Variants in TMEM154 observed in about 807,000 individuals in gnomAD.
TMEM154 encodes the protein transmembrane protein 154.
A neutral mutation model predicts 24.5 loss-of-function variants in TMEM154; 27 were observed. The observed-to-expected ratio is 1.10, with a 90% confidence interval of 0.81 to 1.52. TMEM154 has a LOEUF of 1.52. Ranked by LOEUF, TMEM154 falls within the 40% of genes most tolerant of loss-of-function variation. TMEM154 has a pLI of 0.00. For missense variants in TMEM154, 228 were observed against 213.4 expected, an observed-to-expected ratio of 1.07 and a Z score of -0.43; for synonymous variants, 67 against 76.8, an observed-to-expected ratio of 0.87 and a Z score of 0.67.
Position 152,648,209 on chromosome 4 carries a change from G to A in TMEM154, c.365-3767C>T, listed in dbSNP as rs151143971. Among the ~76,000 whole-genome samples the A allele has an allele frequency of 2.2e-4, 33 of 152,318 alleles. No individual in the cohort carries two copies. The East Asian group carries it at 5.4e-3, about 25-fold the overall frequency. ...AAAAACTGGGCCCTAGCAGGGGGGC[G>A]TGGTGGCTCACACCTGTAATCCCAG... On this transcript the variant is annotated intron_variant, in intron 3 of 6. Coordinates refer to ENST00000304385, the MANE Select transcript of TMEM154 (RefSeq NM_152680.3).
At chr4:152,631,792 C>CTTTTTTT (rs1752047652) in intron 6 of TMEM154, among the ~76,000 whole-genome samples, 1 of 131,462 alleles carries the variant, frequency 7.6e-6, no homozygotes, top group Non-Finnish European at 1.6e-5. Context: ...AATCTATCCC[C>CTTTTTTT]CTTTTTTTTT....
chr4:152,660,511 T>C (rs1728581030), intron 1 of TMEM154, among the ~76,000 whole-genome samples: 1 of 152,150 alleles, frequency 6.6e-6, no homozygotes, highest in Admixed American at 6.5e-5. Flanking sequence ...ATCGATTATC[T>C]CATTTTGTCC....
Position 152,622,298 on chromosome 4 carries a change from T to C in TMEM154, c.*6248A>G, listed in dbSNP as rs1209297969. The C allele has an allele frequency of 6.6e-6, 1 of 152,216 alleles. No homozygotes were observed. Among genetic ancestry groups the C allele is most frequent in the Non-Finnish European group, 1.5e-5 (1 of 68,030 alleles). 9.4% of individuals were successfully genotyped at this position (152,216 alleles called of 1,614,324 possible). ...TATACAAAGCAGGCCCCTTTTTGAA[T>C]TGGTATTGTTTCGTTTATTTAAAGA... On this transcript the variant is annotated 3_prime_UTR_variant, in exon 7 of 7. Coordinates refer to ENST00000304385, the MANE Select transcript of TMEM154 (RefSeq NM_152680.3).
chr4:152,644,331 C>A (rs1424471470), intron 4 of TMEM154, 84 bp downstream of exon 4: 1 of 1,513,010 alleles, frequency 6.6e-7, no homozygotes, highest in South Asian at 1.1e-5. Flanking sequence ...GATGTCAGAA[C>A]AAAAACACCT....
intron 1 of TMEM154, among the ~76,000 whole-genome samples, chr4:152,662,132 G>A (rs1449665874): frequency 6.6e-6 from 1 of 152,038 alleles, no homozygotes; most frequent in Non-Finnish European, 1.5e-5. Context: ...AAACCTCTCT[G>A]CTCATCCTTC....
chr4:152,671,760 A>AAAAG (rs1561058715), intron 1 of TMEM154, among the ~76,000 whole-genome samples: 2 of 149,838 alleles, frequency 1.3e-5, no homozygotes, highest in African/African-American at 2.4e-5. Context: ...AAAAAAAAAA[A>AAAAG]AAAAAAAAGA....
chr4:152,640,291 C>A (rs1461009359), intron 6 of TMEM154, among the ~76,000 whole-genome samples: 2 of 152,198 alleles, frequency 1.3e-5, no homozygotes, highest in Admixed American at 1.3e-4. Context: ...CAGTCCCCAA[C>A]CTTCTGAACC....
At position 152,628,836 on chromosome 4, in the gene TMEM154, G is replaced by A. The variant is rs542434622; in HGVS notation, c.537-275C>T. Among the ~76,000 whole-genome samples the A allele has an allele frequency of 2.7e-3, 401 of 150,508 alleles. 3 individuals are homozygous for A. Among genetic ancestry groups the A allele is most frequent in the African/African-American group, 8.7e-3 (356 of 41,072 alleles). Reference sequence around the variant, plus strand: ...TATTTTTTTTTTTTTTAGTAGAGGCGGGGTTTCACCATGTTAGCCAGGATG... The same window carrying A: ...TATTTTTTTTTTTTTTAGTAGAGGCAGGGTTTCACCATGTTAGCCAGGATG... On this transcript the variant is annotated intron_variant, in intron 6 of 6. Transcript: ENST00000304385.
rs890797547 is a variant in TMEM154 at position 152,618,747 on chromosome 4, T to A, written c.*9799A>T. ...ACCTCCACTTGCTTGTTAGTTCAAT[T>A]ATGATCGTTCTCTGCTTCCTTCCAT... is the stretch of plus-strand genomic sequence containing the variant. On this transcript the variant is annotated 3_prime_UTR_variant, in exon 7 of 7. Transcript: ENST00000304385. The A allele has an allele frequency of 2.6e-5, 4 of 152,208 alleles. No individual in the cohort carries two copies. The highest frequency in any genetic ancestry group is 4.4e-5 in the Non-Finnish European group (3 of 68,048). The allele number at this position is 152,208 out of a possible 1,614,324, so 9.4% of individuals were successfully genotyped here.
chr4:152,622,377 C>A lies in TMEM154; in HGVS notation c.*6169G>T, dbSNP rs1363030735. The A allele has an allele frequency of 6.6e-6, 1 of 152,030 alleles. No individual in the cohort carries two copies. Among genetic ancestry groups the A allele is most frequent in the Non-Finnish European group, 1.5e-5 (1 of 67,988 alleles). 9.4% of individuals were successfully genotyped at this position (152,030 alleles called of 1,614,324 possible). ...GAATTATGAATTATGAATTCTTTTTCATAGACACAGAAATTAAAAGAACTT... is the reference window on the plus strand; with the variant it reads ...GAATTATGAATTATGAATTCTTTTTAATAGACACAGAAATTAAAAGAACTT... On this transcript the variant is annotated 3_prime_UTR_variant, in exon 7 of 7. Transcript: ENST00000304385.
At chr4:152,631,428 G>A (rs928289626) in intron 6 of TMEM154, among the ~76,000 whole-genome samples, 8 of 152,190 alleles carry the variant, frequency 5.3e-5, no homozygotes, top group Admixed American at 1.3e-4. Flanking sequence ...CATATTTAAA[G>A]TGGAACAATT....
chr4:152,619,110 C>T lies in TMEM154; in HGVS notation c.*9436G>A, dbSNP rs1751807544. ...GACTGATCCCTATCCTCAAGGTGCT[C>T]AGTCTAATCTGCTCCCATTTTAACC... On this transcript the variant is annotated 3_prime_UTR_variant, in exon 7 of 7. Transcript: ENST00000304385. The T allele has an allele frequency of 6.6e-6, 1 of 152,202 alleles. No individual in the cohort carries two copies. The highest frequency in any genetic ancestry group is 2.4e-5 in the African/African-American group (1 of 41,444). 9.4% of individuals were successfully genotyped at this position (152,202 alleles called of 1,614,324 possible). A position where few individuals can be genotyped will look rare whatever the true frequency, so the allele number is the denominator to read the frequency against.
intron 1 of TMEM154, chr4:152,666,676 A>T (rs1284877869): frequency 6.6e-6 from 1 of 152,254 alleles, no homozygotes; most frequent in Non-Finnish European, 1.5e-5. Context: ...TCTTTTTAAA[A>T]ATCAATTGTT....
chr4:152,637,830 C>T (rs1175217484), intron 6 of TMEM154, among the ~76,000 whole-genome samples: 1 of 152,032 alleles, frequency 6.6e-6, no homozygotes, highest in African/African-American at 2.4e-5. Flanking sequence ...ATTTTTGTCC[C>T]AGGGTAGATA....
rs747613909 is a variant in TMEM154, at chr4:152,628,565, TAAAAAA to T, written c.537-10_537-5del. 1.2e-4 allele frequency: 60 copies of T among 518,474 alleles called. 1 individual carries two copies. The highest frequency in any genetic ancestry group is 8.2e-4 in the Middle Eastern group (1 of 1,214). The allele number at this position is 518,474 out of a possible 1,614,324, so 32.1% of individuals were successfully genotyped here. A position where few individuals can be genotyped will look rare whatever the true frequency, so the allele number is the denominator to read the frequency against. ...TCAGGTTTAGGATTCACTGTCACTG[TAAAAAA>T]AAAAAAAAAAAAAAAAAAAAACAAA... On this transcript the variant is annotated splice_region_variant and splice_polypyrimidine_tract_variant and intron_variant, in intron 6 of 6. Transcript: ENST00000304385.
At chr4:152,642,516 G>A (rs1262302330) in intron 5 of TMEM154, among the ~76,000 whole-genome samples, 4 of 152,172 alleles carry the variant, frequency 2.6e-5, no homozygotes, top group Admixed American at 6.5e-5. Context: ...TATGGGGTAT[G>A]TATATCACCA....
chr4:152,679,209 T>C (rs987120003), intron 1 of TMEM154, among the ~76,000 whole-genome samples: 1 of 152,030 alleles, frequency 6.6e-6, no homozygotes, highest in African/African-American at 2.4e-5. Flanking sequence ...GTTCCAATCA[T>C]ATTACTTTTT....
chr4:152,638,740 T>C (rs1752196975), intron 6 of TMEM154, among the ~76,000 whole-genome samples: 1 of 152,226 alleles, frequency 6.6e-6, no homozygotes, highest in Non-Finnish European at 1.5e-5. Context: ...AATCAGAAAG[T>C]GCCTAGTGGT....
chr4:152,631,145 G>A (rs1266906859), intron 6 of TMEM154, among the ~76,000 whole-genome samples: 2 of 152,128 alleles, frequency 1.3e-5, no homozygotes, highest in African/African-American at 4.8e-5. Flanking sequence ...CAATTTTAAA[G>A]CTTTAATGGC....
Sources: gnomAD v4.1 joint callset for allele counts (sites outside exome capture counted in the v4.1 genomes callset) on GRCh38, gnomAD v4.1.1 for gene constraint, MANE v1.5 for transcripts, NCBI Gene and HGNC (gene_info 2026-07-23, HGNC 2026-07-21) for gene names.